AK5: variants seen among roughly 807,000 people sequenced by gnomAD.
AK5 encodes the protein adenylate kinase isoenzyme 5.
A neutral mutation model predicts 69.5 loss-of-function variants in AK5; 27 were observed. The observed-to-expected ratio is 0.39, with a 90% CI of 0.29 to 0.54. AK5 has a LOEUF of 0.54. AK5 is among the 20% of genes least tolerant of loss of function. The pLI is 0.71. For missense variants in AK5, 531 were observed against 700.4 expected (o/e 0.76, Z 2.73); for synonymous variants, 260 against 244.4 (o/e 1.06, Z -0.60).
At chr1:77,401,057 C>T (rs1389517406) in intron 6 of AK5, among the ~76,000 whole-genome samples, 1 of 152,016 alleles carries the variant, frequency 6.6e-6, no homozygotes, top group Non-Finnish European at 1.5e-5. Flanking sequence ...CCACCCATCT[C>T]ACTCACCACG....
Position 77,297,902 on chromosome 1 carries a change from T to C in AK5, c.654T>C (p.Asp218=), listed in dbSNP as rs772617454. The part of the protein sequence containing the change: ...QIPDEEGIVI[D]GFPRDVAQAL... Reference sequence around the variant, plus strand: ...CTGATGAAGAGGGCATTGTTATTGATGGATTTCCAAGAGATGTTGCCCAGG... The same window carrying C: ...CTGATGAAGAGGGCATTGTTATTGACGGATTTCCAAGAGATGTTGCCCAGG... The change falls in exon 5 of 14, where the codon GAT becomes GAC. Residue 218 remains aspartate (D), a synonymous_variant. Coordinates refer to ENST00000354567, the MANE Select transcript of AK5 (RefSeq NM_174858.3). The C allele has an allele frequency of 6.2e-7, 1 of 1,613,586 alleles. No individual in the cohort carries two copies. The highest frequency in any genetic ancestry group is 1.1e-5 in the South Asian group (1 of 90,976).
intron 6 of AK5, among the ~76,000 whole-genome samples, chr1:77,350,151 A>T (rs988598244): frequency 6.6e-6 from 1 of 152,228 alleles, no homozygotes; most frequent in African/African-American, 2.4e-5. Flanking sequence ...CAGAGATGAT[A>T]GAAAGATAAA....
At position 77,455,704 on chromosome 1, in the gene AK5, G is replaced by A. The variant is rs192269031; in HGVS notation, c.1060-27613G>A. 7.0e-4 allele frequency among the ~76,000 whole-genome samples: 106 copies of A among 152,162 alleles called. 2 individuals carry two copies. The highest frequency in any genetic ancestry group is 3.4e-3 in the Middle Eastern group (1 of 294). ...AGATGAAGGCAAAAACTACTGCTCTGTACCCAATAGTCATTACCCTAGCTG... is the reference window on the plus strand; with the variant it reads ...AGATGAAGGCAAAAACTACTGCTCTATACCCAATAGTCATTACCCTAGCTG... On this transcript the variant is annotated intron_variant, in intron 8 of 13. Coordinates refer to ENST00000354567, the MANE Select transcript of AK5 (RefSeq NM_174858.3).
intron 8 of AK5, among the ~76,000 whole-genome samples, chr1:77,418,609 C>T (rs186533431): frequency 7.9e-5 from 12 of 152,284 alleles, no homozygotes; most frequent in Admixed American, 2.6e-4. Context: ...AAATAGTTGG[C>T]AAATGAGCCA....
intron 6 of AK5, among the ~76,000 whole-genome samples, chr1:77,405,497 G>C (rs2100557773): frequency 6.6e-6 from 1 of 152,348 alleles, no homozygotes; most frequent in Admixed American, 6.5e-5. Flanking sequence ...GCCTCTTCAA[G>C]GTTGAGGGCT....
chr1:77,367,615 A>ATTTGTTATATATATGTTATATATATGT (rs1557533000), intron 6 of AK5, among the ~76,000 whole-genome samples: 1 of 91,232 alleles, frequency 1.1e-5, no homozygotes, highest in African/African-American at 5.1e-5. Flanking sequence ...TATGTAATAT[A>ATTTGTTATATATATGTTATATATATGT]TATGTTATAT....
intron 6 of AK5, among the ~76,000 whole-genome samples, chr1:77,397,819 T>A (rs999845117): frequency 6.6e-6 from 1 of 152,188 alleles, no homozygotes; most frequent in African/African-American, 2.4e-5. Context: ...GGAGCATCAC[T>A]TGGGCCCAGA....
intron 8 of AK5, among the ~76,000 whole-genome samples, chr1:77,477,656 T>C (rs1313101632): frequency 6.6e-6 from 1 of 152,034 alleles, no homozygotes; most frequent in Non-Finnish European, 1.5e-5. Context: ...TTTTTCTTTT[T>C]TCTTTTTTTT....
chr1:77,422,637 G>A lies in AK5; in HGVS notation c.1059+4922G>A, dbSNP rs1047799527. 3.3e-5 allele frequency among the ~76,000 whole-genome samples: 5 copies of A among 152,092 alleles called. No individual in the cohort carries two copies. The East Asian group carries it at 7.7e-4, about 24-fold the overall frequency. On this transcript the variant is annotated intron_variant, in intron 8 of 13. Coordinates refer to ENST00000354567, the MANE Select transcript of AK5 (RefSeq NM_174858.3). Reference sequence around the variant, plus strand: ...CCATCAGGACCAAGCTTCCCCTCTAGGAAACCCTTCTCTTGTCACAGGTTT... The same window carrying A: ...CCATCAGGACCAAGCTTCCCCTCTAAGAAACCCTTCTCTTGTCACAGGTTT...
chr1:77,487,898 G>A (rs182621433), intron 10 of AK5, among the ~76,000 whole-genome samples: 22 of 152,342 alleles, frequency 1.4e-4, no homozygotes, highest in Non-Finnish European at 3.1e-4. Flanking sequence ...CATCTTAGAT[G>A]AAGAGAATAA....
intron 6 of AK5, among the ~76,000 whole-genome samples, chr1:77,371,759 T>C (rs1279313276): frequency 1.3e-5 from 2 of 152,196 alleles, no homozygotes; most frequent in Non-Finnish European, 2.9e-5. Flanking sequence ...GAAGTCTCTA[T>C]GATTTCACTA....
At chr1:77,313,543 G>A (rs762071065) in intron 5 of AK5, among the ~76,000 whole-genome samples, 8 of 152,086 alleles carry the variant, frequency 5.3e-5, no homozygotes, top group Non-Finnish European at 5.9e-5. Flanking sequence ...GTTAGGCAAG[G>A]TAGGTGCTCC....
At chr1:77,344,555 T>G (rs1661815662) in intron 6 of AK5, among the ~76,000 whole-genome samples, 1 of 152,130 alleles carries the variant, frequency 6.6e-6, no homozygotes. Flanking sequence ...GTAAGCTGTG[T>G]CTCTTGACAT....
chr1:77,441,075 G>A (rs1041942685), intron 8 of AK5, among the ~76,000 whole-genome samples: 10 of 152,104 alleles, frequency 6.6e-5, no homozygotes, highest in Admixed American at 2.0e-4. Context: ...GCTTGATAAA[G>A]TCTGCTTTTT....
intron 3 of AK5, among the ~76,000 whole-genome samples, chr1:77,295,607 T>C (rs564915843): frequency 4.1e-4 from 63 of 152,242 alleles, no homozygotes; most frequent in African/African-American, 1.4e-3. Context: ...GAACTACAGA[T>C]GAAAAATAAT....
At chr1:77,493,559 C>T (rs565060974) in intron 10 of AK5, among the ~76,000 whole-genome samples, 1 of 152,262 alleles carries the variant, frequency 6.6e-6, no homozygotes, top group East Asian at 1.9e-4. Context: ...ACACATACAG[C>T]TGGGATCACC....
chr1:77,365,122 A>T (rs1334597888), intron 6 of AK5, among the ~76,000 whole-genome samples: 4 of 152,176 alleles, frequency 2.6e-5, no homozygotes, highest in East Asian at 3.9e-4. Context: ...ATGATTAGTG[A>T]TATTGAACAT....
intron 6 of AK5, among the ~76,000 whole-genome samples, chr1:77,403,166 GT>G (rs1004269195): frequency 1.4e-3 from 206 of 152,104 alleles, no homozygotes; most frequent in Non-Finnish European, 2.5e-3. Flanking sequence ...TTGTAAATTT[GT>G]TTGAGTTCAT....
At chr1:77,541,775 A>G (rs1238045232) in intron 13 of AK5, among the ~76,000 whole-genome samples, 2 of 152,120 alleles carry the variant, frequency 1.3e-5, no homozygotes, top group African/African-American at 4.8e-5. Context: ...TATAAGCCAG[A>G]ATATGCCCAC....
Sources: gnomAD v4.1 joint callset for allele counts (sites outside exome capture counted in the v4.1 genomes callset) on GRCh38, gnomAD v4.1.1 for gene constraint, MANE v1.5 for transcripts, NCBI Gene and HGNC (gene_info 2026-07-23, HGNC 2026-07-21) for gene names.